PCDHA11: variants seen among roughly 807,000 people sequenced by gnomAD.
PCDHA11 encodes the protein protocadherin alpha-11.
In PCDHA11, 61 loss-of-function variants were observed where a neutral mutation model predicts 70.3. That is an observed-to-expected ratio of 0.87 (90% CI 0.71 to 1.07). The LOEUF is 1.07. PCDHA11 is among the 50% of genes least tolerant of loss of function. PCDHA11 has a pLI of 0.00. For synonymous variants in PCDHA11, 633 were observed against 555.1 expected (o/e 1.14, Z -1.97); for missense variants, 1,324 against 1,237.5 (o/e 1.07, Z -1.05).
Position 141,007,689 on chromosome 5 carries a change from A to G in PCDHA11, c.2540-1938A>G, listed in dbSNP as rs545850175. Among the ~76,000 whole-genome samples the G allele has an allele frequency of 3.5e-4, 53 of 152,196 alleles. 1 individual carries two copies. Among genetic ancestry groups the G allele is most frequent in the African/African-American group, 1.3e-3 (52 of 41,536 alleles). On this transcript the variant is annotated intron_variant, in intron 3 of 3. Coordinates refer to ENST00000398640, the MANE Select transcript of PCDHA11 (RefSeq NM_018902.5). ...CAAAGACAAAAGTTATCCTACTTCC[A>G]CCTCCCTCCTCTGCCTCCCACCACC...
At chr5:140,941,718 T>G (rs910042752) in intron 1 of PCDHA11, among the ~76,000 whole-genome samples, 1 of 152,204 alleles carries the variant, frequency 6.6e-6, no homozygotes, top group African/African-American at 2.4e-5. Context: ...CCACAATTTG[T>G]CCTAGCAGTT....
chr5:140,997,675 TG>T (rs1554255972), intron 3 of PCDHA11, among the ~76,000 whole-genome samples: 41 of 151,686 alleles, frequency 2.7e-4, no homozygotes, highest in African/African-American at 9.7e-4. Flanking sequence ...AGCTTGTGTG[TG>T]TGTGTGTGTG....
At position 140,870,339 on chromosome 5, in the gene PCDHA11, G is replaced by A. The variant is rs1554164098; in HGVS notation, c.1236G>A (p.Leu412=). ...ACTCGTTGGTGCTGGACAGCGCCCT[G>A]GACCGCGAGAACGTGTGGGCCTATG... The part of the protein sequence containing the change: ...NYYSLVLDSA[L]DRENVWAYEL... The change falls in exon 1 of 4, where the codon CTG becomes CTA. Residue 412 remains leucine (L), a synonymous_variant. Coordinates refer to ENST00000398640, the MANE Select transcript of PCDHA11 (RefSeq NM_018902.5). 1 of 1,614,064 alleles carries A rather than the reference G, an allele frequency of 6.2e-7. No homozygotes were observed. The highest frequency in any genetic ancestry group is 2.2e-5 in the East Asian group (1 of 44,882).
chr5:140,946,634 A>ATATATATAT (rs1554217761), intron 1 of PCDHA11, among the ~76,000 whole-genome samples: 5 of 147,332 alleles, frequency 3.4e-5, no homozygotes, highest in African/African-American at 7.7e-5. Flanking sequence ...ATATATATAC[A>ATATATATAT]ATGGAATACT....
At position 141,010,354 on chromosome 5, in the gene PCDHA11, C is replaced by A. The variant is rs1359778786; in HGVS notation, c.*417C>A. On this transcript the variant is annotated 3_prime_UTR_variant, in exon 4 of 4. Coordinates refer to ENST00000398640, the MANE Select transcript of PCDHA11 (RefSeq NM_018902.5). ...GTTTGTGGCCACTGGGTATGTGTGG[C>A]TACCGCGGGTATGCGAGTGCCAGAT... The A allele has an allele frequency of 2.0e-6, 3 of 1,506,078 alleles. No homozygotes were observed. The highest frequency in any genetic ancestry group is 4.4e-5 in the Admixed American group (2 of 45,166). 93.3% of individuals were successfully genotyped at this position (1,506,078 alleles called of 1,614,324 possible).
chr5:140,996,198 G>T (rs2097716643), intron 3 of PCDHA11, among the ~76,000 whole-genome samples: 1 of 152,168 alleles, frequency 6.6e-6, no homozygotes, highest in Non-Finnish European at 1.5e-5. Context: ...TACCCTCAAT[G>T]CAAGGATATC....
chr5:140,947,229 GA>G lies in PCDHA11; in HGVS notation c.2392-31711del, dbSNP rs201242412. On this transcript the variant is annotated intron_variant, in intron 1 of 3. Transcript: ENST00000398640. ...AAGAAAATCCTGTCATTTATGACAGGAAAAAAAAATAAGATAATCCAATGTA... is the reference window on the plus strand; with the variant it reads ...AAGAAAATCCTGTCATTTATGACAGGAAAAAAAATAAGATAATCCAATGTA... 1.0e-3 allele frequency among the ~76,000 whole-genome samples: 154 copies of G among 148,902 alleles called. 1 individual carries two copies. The highest frequency in any genetic ancestry group is 8.9e-3 in the Admixed American group (133 of 14,994).
At chr5:140,936,869 A>C (rs1249048598) in intron 1 of PCDHA11, among the ~76,000 whole-genome samples, 3 of 152,168 alleles carry the variant, frequency 2.0e-5, no homozygotes, top group Non-Finnish European at 4.4e-5. Context: ...TTCTATTTTA[A>C]AAAACCCTGC....
chr5:140,876,087 G>A, intron 1 of PCDHA11: 4 of 1,613,922 alleles, frequency 2.5e-6, no homozygotes, highest in Non-Finnish European at 2.5e-6. Context: ...GAGAGCAAAC[G>A]CCAAAACTCA....
At chr5:140,897,222 G>A (rs2065939417) in intron 1 of PCDHA11, among the ~76,000 whole-genome samples, 1 of 151,978 alleles carries the variant, frequency 6.6e-6, no homozygotes, top group Non-Finnish European at 1.5e-5. Context: ...TAGGGTACAT[G>A]TGCACAATGT....
At chr5:141,002,682 G>A (rs536105955) in intron 3 of PCDHA11, among the ~76,000 whole-genome samples, 51 of 152,256 alleles carry the variant, frequency 3.3e-4, no homozygotes, top group African/African-American at 1.0e-3. Flanking sequence ...CCTATACGAC[G>A]TGCAGATTTG....
At chr5:140,960,515 A>G (rs1445432467) in intron 1 of PCDHA11, among the ~76,000 whole-genome samples, 1 of 152,182 alleles carries the variant, frequency 6.6e-6, no homozygotes, top group Non-Finnish European at 1.5e-5. Flanking sequence ...AGCAAACATA[A>G]TGGGTATAGG....
At chr5:140,897,356 C>T (rs1554187343) in intron 1 of PCDHA11, among the ~76,000 whole-genome samples, 1 of 134,770 alleles carries the variant, frequency 7.4e-6, no homozygotes, top group African/African-American at 2.8e-5. Flanking sequence ...ACAACTGTCC[C>T]CAGAGTGTGA....
At chr5:140,966,259 G>C (rs1358322921) in intron 1 of PCDHA11, 1 of 340,612 alleles carries the variant, frequency 2.9e-6, no homozygotes, top group Non-Finnish European at 5.3e-6. Context: ...AGACGGTGGA[G>C]ACTGGATGAA....
At chr5:140,959,591 A>C (rs2095498403) in intron 1 of PCDHA11, among the ~76,000 whole-genome samples, 1 of 152,220 alleles carries the variant, frequency 6.6e-6, no homozygotes, top group African/African-American at 2.4e-5. Context: ...CTATCAGCCA[A>C]GTATAACATG....
chr5:140,966,541 G>C (rs2096018356), intron 1 of PCDHA11: 3 of 462,844 alleles, frequency 6.5e-6, no homozygotes, highest in African/African-American at 2.0e-5. Context: ...TGAGCGACTC[G>C]GAGGCGAGCG....
At chr5:140,876,155 T>A in intron 1 of PCDHA11, 1 of 1,613,994 alleles carries the variant, frequency 6.2e-7, no homozygotes, top group Non-Finnish European at 8.5e-7. Context: ...TCTGTCCAGA[T>A]TCAAATAACC....
intron 1 of PCDHA11, chr5:140,967,438 C>T: frequency 6.2e-7 from 1 of 1,613,548 alleles, no homozygotes; most frequent in South Asian, 1.1e-5. Flanking sequence ...CCTTGCACCA[C>T]CTGGTTCTCA....
chr5:140,982,545 G>C lies in PCDHA11; in HGVS notation c.2521G>C (p.Val841Leu), dbSNP rs782544627. The change falls in exon 3 of 4, where the codon GTA becomes CTA. Residue 841 changes from valine (V) to leucine (L), a missense_variant. Val to Leu is a conservative substitution (Grantham distance 32). Transcript: ENST00000398640. The stretch of plus-strand genomic sequence containing the variant: ...AGGGCCTGATCAGCAGTGGCCAACA[G>C]TATCCAGTGCAACACCAGGTAAAGA... ...PGGPDQQWPT[V>L]SSATPEPEAG... The C allele has an allele frequency of 6.2e-6, 10 of 1,614,088 alleles. No individual in the cohort carries two copies. The East Asian group carries it at 2.2e-4, about 36-fold the overall frequency.
Sources: allele counts gnomAD v4.1 joint callset (sites outside exome capture counted in the v4.1 genomes callset), GRCh38; gene constraint gnomAD v4.1.1; transcripts MANE v1.5; gene names NCBI Gene and HGNC (gene_info 2026-07-23, HGNC 2026-07-21).